The following ELF5 variants were observed in gnomAD, a reference collection of about 807,000 sequenced individuals.
ELF5 encodes the protein ETS-related transcription factor Elf-5.
ELF5 carries 31 observed loss-of-function variants against 38.2 expected under a neutral mutation model. The ratio of observed to expected loss-of-function variants is 0.81; its 90% CI spans 0.61 to 1.10. ELF5 has a LOEUF of 1.10. ELF5 is among the 50% of genes least tolerant of loss of function. The pLI is 0.00. For missense variants in ELF5, 300 were observed against 306.6 expected, an observed-to-expected ratio of 0.98 and a Z score of 0.16; for synonymous variants, 121 against 112.5, an observed-to-expected ratio of 1.08 and a Z score of -0.48.
chr11:34,505,044 T>C (rs1342917907), intron 2 of ELF5, among the ~76,000 whole-genome samples: 1 of 152,238 alleles, frequency 6.6e-6, no homozygotes, highest in African/African-American at 2.4e-5. Flanking sequence ...TTAATATCAA[T>C]AACCACAGTG....
intron 1 of ELF5, among the ~76,000 whole-genome samples, chr11:34,508,268 G>A (rs1407287803): frequency 1.3e-5 from 2 of 152,064 alleles, no homozygotes; most frequent in African/African-American, 4.8e-5. Context: ...TTGGGAGGCC[G>A]AGGCGGGTGG....
At chr11:34,491,385 T>C (rs1361581463) in intron 3 of ELF5, among the ~76,000 whole-genome samples, 1 of 152,084 alleles carries the variant, frequency 6.6e-6, no homozygotes, top group Admixed American at 6.6e-5. Context: ...AGTAGATAGT[T>C]TTACTGCTCA....
intron 3 of ELF5, 155 bp downstream of exon 3, chr11:34,493,324 G>T: frequency 1.5e-5 from 11 of 716,068 alleles, no homozygotes; most frequent in South Asian, 3.6e-5. Flanking sequence ...CCCAATTCTG[G>T]CATACTAGCT....
In ELF5 at chr11:34,513,725, G is replaced by A. The variant is rs1387467770; in HGVS notation, c.-53C>T. On this transcript the variant is annotated 5_prime_UTR_variant, in exon 1 of 7. Coordinates refer to ENST00000257832, the MANE Select transcript of ELF5 (RefSeq NM_001422.4). ...CAAAGAGGAGGCTTTCAAGGCAAGAGAAGGCAGGCGCTCCCAGCACCAGCG... is the reference window on the plus strand; with the variant it reads ...CAAAGAGGAGGCTTTCAAGGCAAGAAAAGGCAGGCGCTCCCAGCACCAGCG... 6.6e-6 allele frequency: 1 copy of A among 152,464 alleles called. No individual in the cohort carries two copies. The highest frequency in any genetic ancestry group is 6.5e-5 in the Admixed American group (1 of 15,282). The allele number at this position is 152,464 out of a possible 1,614,324, so 9.4% of individuals were successfully genotyped here.
rs781222563 is a variant in ELF5, at chr11:34,482,442, T to C, written c.464A>G (p.His155Arg). 3.7e-6 allele frequency: 6 copies of C among 1,613,376 alleles called. No homozygotes were observed. Among genetic ancestry groups the C allele is most frequent in the East Asian group, 2.2e-5 (1 of 44,870 alleles). ...SGIKSQDCHSHSRTSLQSSHL... is the reference protein window; with the variant it reads ...SGIKSQDCHSRSRTSLQSSHL... ...CATCCTGCACTTACTTGTTCTACTATGACTGTGACAGTCTTGACTTTTGAT... is the reference window on the plus strand; with the variant it reads ...CATCCTGCACTTACTTGTTCTACTACGACTGTGACAGTCTTGACTTTTGAT... Residue 155 changes from histidine (H) to arginine (R), a missense_variant, in exon 5 of 7, where the codon CAT (histidine) becomes CGT (arginine). His to Arg is a conservative substitution (Grantham distance 29). Transcript: ENST00000257832.
At position 34,505,736 on chromosome 11, in the gene ELF5, A is replaced by T. The variant is rs748736492; in HGVS notation, c.14T>A (p.Val5Glu). The change falls in exon 2 of 7, where the codon GTG (valine) becomes GAG (glutamate). Residue 5 changes from valine (V) to glutamate (E), a missense_variant. Val to Glu is a moderately radical substitution (Grantham distance 121, BLOSUM62 -2). Transcript: ENST00000257832. ...ATTAGGCAGGAAGGTGCTGTGTGTC[A>T]CCGAGTCCAACATTACCCTGCAACA... MLDS[V>E]THSTFLPNAS... The T allele has an allele frequency of 2.5e-6, 4 of 1,613,640 alleles. No homozygotes were observed. The highest frequency in any genetic ancestry group is 1.3e-5 in the African/African-American group (1 of 74,928).
chr11:34,492,170 G>C (rs1231672387), intron 3 of ELF5: 1 of 152,286 alleles, frequency 6.6e-6, no homozygotes, highest in African/African-American at 2.4e-5. Context: ...TCCTCTTTCA[G>C]GGAGTGCCCA....
chr11:34,496,555 G>A (rs1850326701), intron 2 of ELF5, among the ~76,000 whole-genome samples: 1 of 152,186 alleles, frequency 6.6e-6, no homozygotes, highest in African/African-American at 2.4e-5. Flanking sequence ...TGGATGGAAC[G>A]TGGTCCCCAT....
rs73436791 is a variant in ELF5 at position 34,482,792 on chromosome 11, T to C, written c.407-293A>G. On this transcript the variant is annotated intron_variant, in intron 4 of 6. Transcript: ENST00000257832. ...CATGGTAAGGACTTGGGACTTTATA[T>C]CAAAGTGTAGAGCAAAGATCCTCAA... is the stretch of plus-strand genomic sequence containing the variant. 2.8e-3 allele frequency among the ~76,000 whole-genome samples: 432 copies of C among 152,224 alleles called. 2 individuals are homozygous for C. The highest frequency in any genetic ancestry group is 9.7e-3 in the African/African-American group (404 of 41,526).
At chr11:34,484,481 A>ATACTATCCTATACTATCCTATACTAT (rs111444312) in intron 4 of ELF5, among the ~76,000 whole-genome samples, 16 of 115,922 alleles carry the variant, frequency 1.4e-4, no homozygotes, top group African/African-American at 5.3e-4. Flanking sequence ...ACACTATACT[A>ATACTATCCTATACTATCCTATACTAT]ACTATACTAT....
intron 3 of ELF5, among the ~76,000 whole-genome samples, chr11:34,490,596 A>G (rs1337882634): frequency 6.6e-6 from 1 of 152,188 alleles, no homozygotes; most frequent in Non-Finnish European, 1.5e-5. Context: ...GCAAAGCTCT[A>G]TGTGAATGCT....
chr11:34,489,019 G>A (rs117849787), intron 4 of ELF5, among the ~76,000 whole-genome samples: 5,009 of 152,260 alleles, frequency 0.033, 115 homozygotes, highest in Middle Eastern at 0.11. Context: ...GCTACACCCC[G>A]GGGCCCCGAG....
intron 1 of ELF5, among the ~76,000 whole-genome samples, chr11:34,512,498 T>C (rs754490420): frequency 3.3e-5 from 5 of 152,134 alleles, no homozygotes; most frequent in Non-Finnish European, 7.3e-5. Context: ...ACTGCTGAAA[T>C]TCTTAAGCTT....
intron 5 of ELF5, 67 bp from the exon 6 acceptor site, chr11:34,481,034 T>G: frequency 1.6e-6 from 2 of 1,243,196 alleles, no homozygotes; most frequent in South Asian, 2.1e-5. Context: ...AATTAATTAA[T>G]TTTTTTGAGA....
rs751485879 is a variant in ELF5 at position 34,493,718 on chromosome 11, C to A, written c.122-6G>T. The A allele has an allele frequency of 1.2e-6, 2 of 1,611,584 alleles. No homozygotes were observed. The highest frequency in any genetic ancestry group is 1.7e-5 in the Admixed American group (1 of 59,986). ...TGTCCAGTATGAGTCACAGGCTGCA[C>A]CAAAGGAGAAAGAAGTGAGGGACAA... On this transcript the variant is annotated splice_polypyrimidine_tract_variant and splice_region_variant and intron_variant, in intron 2 of 6. Coordinates refer to ENST00000257832, the MANE Select transcript of ELF5 (RefSeq NM_001422.4).
At chr11:34,490,524 G>T (rs1850140078) in intron 3 of ELF5, among the ~76,000 whole-genome samples, 1 of 152,222 alleles carries the variant, frequency 6.6e-6, no homozygotes, top group African/African-American at 2.4e-5. Flanking sequence ...ATCCCTTGGG[G>T]ATTGGAATGC....
chr11:34,511,455 A>T, intron 1 of ELF5: 2 of 1,556,454 alleles, frequency 1.3e-6, no homozygotes, highest in South Asian at 1.1e-5. Flanking sequence ...CTAGCTGCCT[A>T]GTAAGTAGGA....
intron 1 of ELF5, among the ~76,000 whole-genome samples, chr11:34,508,381 C>T (rs1205436081): frequency 1.3e-5 from 2 of 151,988 alleles, no homozygotes; most frequent in Non-Finnish European, 2.9e-5. Context: ...TGCATGCCTG[C>T]AATCCCAGCT....
At chr11:34,510,242 A>G (rs1048229492) in intron 1 of ELF5, among the ~76,000 whole-genome samples, 2 of 152,022 alleles carry the variant, frequency 1.3e-5, no homozygotes, top group East Asian at 1.9e-4. Flanking sequence ...GGTGTACAGC[A>G]TGCTATTTTT....
Sources: gnomAD v4.1 joint callset for allele counts (sites outside exome capture counted in the v4.1 genomes callset) on GRCh38, gnomAD v4.1.1 for gene constraint, MANE v1.5 for transcripts, NCBI Gene and HGNC (gene_info 2026-07-23, HGNC 2026-07-21) for gene names.